Variants in DNAH17 observed in about 807,000 individuals in gnomAD.
DNAH17 encodes the protein dynein axonemal heavy chain 17, also known as axonemal beta dynein heavy chain 17.
A neutral mutation model predicts 485.6 loss-of-function variants in DNAH17; 376 were observed. That is an observed-to-expected ratio of 0.77 (90% CI 0.71 to 0.84). DNAH17 has a LOEUF of 0.84. Ranked by LOEUF, DNAH17 falls within the 40% of genes least tolerant of loss-of-function variation. The pLI is 0.00. For synonymous variants in DNAH17, 3,031 were observed against 2,405.9 expected (o/e 1.26, Z -7.60); for missense variants, 6,370 against 5,839.3 (o/e 1.09, Z -2.96).
chr17:78,559,314 A>G (rs1329940523), intron 13 of DNAH17, among the ~76,000 whole-genome samples: 2 of 152,112 alleles, frequency 1.3e-5, no homozygotes, highest in Admixed American at 1.3e-4. Context: ...CTCACACCCA[A>G]CAAGGCTAAA....
chr17:78,466,794 A>G lies in DNAH17; in HGVS notation c.8801T>C (p.Val2934Ala), dbSNP rs201279263. The change falls in exon 56 of 81, where the codon GTG (valine) becomes GCG (alanine). Residue 2934 changes from valine (V) to alanine (A), a missense_variant. Transcript: ENST00000389840. ...GGCTCGTACCCGCAGCACGGAGCCC[A>G]CAGGGGAGAAACACAGGATCACCTG... ...QLKVILCFSP[V>A]GSVLRVRARK... 136 of 1,597,570 alleles carry G rather than the reference A, an allele frequency of 8.5e-5. No individual in the cohort carries two copies. In the African/African-American group the frequency reaches 1.7e-3, roughly 20 times the overall value.
Position 78,450,238 on chromosome 17 carries a change from C to A in DNAH17, c.11040+16G>T. The A allele has an allele frequency of 1.2e-6, 2 of 1,613,148 alleles. No individual in the cohort carries two copies. On this transcript the variant is annotated intron_variant, in intron 68 of 80. Coordinates refer to ENST00000389840, the MANE Select transcript of DNAH17 (RefSeq NM_173628.4). ...CCACCTTGAGGGAGGCACCCAGCCC[C>A]AGCTGCAGGGCGCACCTTGAGGGAG...
intron 73 of DNAH17, 62 bp from the exon 74 acceptor site, chr17:78,437,930 C>T: frequency 1.8e-5 from 23 of 1,299,420 alleles, no homozygotes; most frequent in Non-Finnish European, 2.5e-5. Context: ...CGAGGAGAGA[C>T]TGGCACGTGG....
rs142441720 is a variant in DNAH17, at chr17:78,425,424, C to T, written c.13063G>A (p.Glu4355Lys). The T allele has an allele frequency of 7.6e-5, 123 of 1,613,974 alleles. No individual in the cohort carries two copies. In the African/African-American group the frequency reaches 8.5e-4, roughly 11 times the overall value. The change falls in exon 80 of 81, where the codon GAG becomes AAG. Residue 4355 changes from glutamate to lysine, a missense_variant. Coordinates refer to ENST00000389840, the MANE Select transcript of DNAH17 (RefSeq NM_173628.4). ...TCCTCTCGGTTTTTCTTGGTCACCTCGACAGACAGACACATCTTGTCCAGG... is the reference window on the plus strand; with the variant it reads ...TCCTCTCGGTTTTTCTTGGTCACCTTGACAGACAGACACATCTTGTCCAGG... ...WPLDKMCLSV[E>K]VTKKNREDMT...
intron 56 of DNAH17, among the ~76,000 whole-genome samples, chr17:78,464,170 C>G (rs541246652): frequency 5.3e-5 from 8 of 152,064 alleles, no homozygotes; most frequent in Middle Eastern, 3.4e-3. Flanking sequence ...GCTCATCCCC[C>G]CTACTGAGTT....
Position 78,459,765 on chromosome 17 carries a change from A to C in DNAH17, c.9653+19T>G. ...GAATCGGAGGGAAGCCCCGGCTACGAGGCCCAGCCCCGACTCACTTGAAGG... is the reference window on the plus strand; with the variant it reads ...GAATCGGAGGGAAGCCCCGGCTACGCGGCCCAGCCCCGACTCACTTGAAGG... On this transcript the variant is annotated intron_variant, in intron 60 of 80. Coordinates refer to ENST00000389840, the MANE Select transcript of DNAH17 (RefSeq NM_173628.4). The C allele has an allele frequency of 1.9e-6, 3 of 1,613,120 alleles. No homozygotes were observed. The highest frequency in any genetic ancestry group is 2.5e-6 in the Non-Finnish European group (3 of 1,179,200).
Position 78,560,894 on chromosome 17 carries a change from T to TA in DNAH17, c.1876dup (p.Tyr626LeufsTer2). 1 of 1,551,420 alleles carries TA rather than the reference T, an allele frequency of 6.4e-7. No homozygotes were observed. Among genetic ancestry groups the TA allele is most frequent in the Non-Finnish European group, 8.7e-7 (1 of 1,147,124 alleles). The stretch of plus-strand genomic sequence containing the variant: ...CCTCAGCAGCTCCATCATCTCGTCA[T>TA]ACTTCTGATAGGTCAGCTTGGCCTC... On this transcript the variant is annotated frameshift_variant, in exon 13 of 81. Transcript: ENST00000389840. LOFTEE classifies it high-confidence loss of function.
intron 48 of DNAH17, among the ~76,000 whole-genome samples, chr17:78,483,610 G>C (rs1048776942): frequency 6.8e-6 from 1 of 147,772 alleles, no homozygotes; most frequent in East Asian, 2.1e-4. Context: ...AGCCTGGGCA[G>C]CAAGAGCGAA....
chr17:78,513,610 A>AT (rs1165338616), intron 26 of DNAH17, among the ~76,000 whole-genome samples: 4 of 152,000 alleles, frequency 2.6e-5, no homozygotes, highest in Admixed American at 2.6e-4. Flanking sequence ...TGATTTTTGT[A>AT]TTTTTAGCAG....
chr17:78,539,701 T>C (rs1468346717), intron 18 of DNAH17, 36 bp downstream of exon 18: 4 of 1,513,070 alleles, frequency 2.6e-6, no homozygotes, highest in East Asian at 2.4e-5. Context: ...TAAGAATACA[T>C]ATACATAAAT....
chr17:78,496,830 C>A (rs2090092493), intron 37 of DNAH17: 1 of 151,920 alleles, frequency 6.6e-6, no homozygotes, highest in Non-Finnish European at 1.5e-5. Context: ...CGCCACCACG[C>A]CCGGCTAATT....
intron 58 of DNAH17, among the ~76,000 whole-genome samples, chr17:78,460,497 G>A (rs1406292647): frequency 6.6e-6 from 1 of 152,270 alleles, no homozygotes; most frequent in Non-Finnish European, 1.5e-5. Context: ...GCAGGTCTGA[G>A]CTCCATAAGA....
chr17:78,535,009 C>T (rs938496163), intron 19 of DNAH17, among the ~76,000 whole-genome samples: 6 of 152,190 alleles, frequency 3.9e-5, no homozygotes, highest in Non-Finnish European at 8.8e-5. Context: ...CAGCTTGGCA[C>T]CAGGTAAGAC....
At chr17:78,462,425 G>A (rs778207976) in intron 57 of DNAH17, among the ~76,000 whole-genome samples, 10 of 152,140 alleles carry the variant, frequency 6.6e-5, no homozygotes, top group South Asian at 4.2e-4. Context: ...GATGGAGGAG[G>A]TCTGAAGCAG....
chr17:78,443,544 T>A (rs937127525), intron 71 of DNAH17, among the ~76,000 whole-genome samples: 11 of 46,132 alleles, frequency 2.4e-4, no homozygotes, highest in African/African-American at 7.2e-4. Flanking sequence ...AGAAGGGAAT[T>A]CTTTTTATTT....
At chr17:78,538,604 T>C (rs370624144) in intron 18 of DNAH17, among the ~76,000 whole-genome samples, 41 of 152,162 alleles carry the variant, frequency 2.7e-4, no homozygotes, top group African/African-American at 9.9e-4. Context: ...AAGACTCAGG[T>C]CGGCTCCTGC....
intron 4 of DNAH17, 85 bp from the exon 5 acceptor site, chr17:78,571,463 T>C: frequency 6.7e-7 from 1 of 1,483,554 alleles, no homozygotes; most frequent in Non-Finnish European, 9.4e-7. Context: ...TGGCTGGAGC[T>C]GCAGAATTTA....
chr17:78,468,167 A>AAT (rs2088573094), intron 55 of DNAH17, among the ~76,000 whole-genome samples: 2 of 151,874 alleles, frequency 1.3e-5, no homozygotes, highest in Non-Finnish European at 2.9e-5. Flanking sequence ...TGTTAAAAAA[A>AAT]AATAATAAAA....
chr17:78,481,038 G>A (rs544830666), intron 48 of DNAH17, among the ~76,000 whole-genome samples: 10 of 151,164 alleles, frequency 6.6e-5, no homozygotes, highest in Admixed American at 2.6e-4. Context: ...CTCGTGATGC[G>A]CCCGCCTCAG....
Sources: allele counts gnomAD v4.1 joint callset (sites outside exome capture counted in the v4.1 genomes callset), GRCh38; gene constraint gnomAD v4.1.1; transcripts MANE v1.5; gene names NCBI Gene and HGNC (gene_info 2026-07-23, HGNC 2026-07-21).